The following ARAP3 variants were observed in gnomAD, a reference collection of about 807,000 sequenced individuals.
ARAP3 encodes the protein arf-GAP with Rho-GAP domain, ANK repeat and PH domain-containing protein 3.
ARAP3 carries 82 observed loss-of-function variants against 169.2 expected under a neutral mutation model. The observed-to-expected ratio is 0.48, with a 90% confidence interval of 0.41 to 0.58. The LOEUF (loss-of-function observed/expected upper bound fraction) is 0.58. ARAP3 is among the 20% of genes least tolerant of loss of function. The pLI, the probability that ARAP3 is intolerant of heterozygous loss-of-function variation, is 0.00. For synonymous variants in ARAP3, 791 were observed against 800.3 expected, an observed-to-expected ratio of 0.99 and a Z score of 0.20; for missense variants, 1,764 against 2,018.0, an observed-to-expected ratio of 0.87 and a Z score of 2.41.
chr5:141,678,808 C>G (rs935925080), intron 4 of ARAP3, among the ~76,000 whole-genome samples: 3 of 152,076 alleles, frequency 2.0e-5, no homozygotes, highest in Non-Finnish European at 4.4e-5. Context: ...CCCTCTTACT[C>G]TGCTCTATTT....
rs417503 is a variant in ARAP3 at position 141,680,082 on chromosome 5, A to T, written c.405T>A (p.Pro135=). Residue 135 remains proline (P), a synonymous_variant, in exon 2 of 33, where the codon CCT becomes CCA. Transcript: ENST00000239440. The part of the protein sequence containing the change: ...VSRSPEPSPR[P]PPLPTSSSEQ... Reference sequence around the variant, plus strand: ...CAGAGGAGGAAGTGGGGAGAGGAGGAGGCCTTGGGCTGGGCTCTGGGCTCC... The same window carrying T: ...CAGAGGAGGAAGTGGGGAGAGGAGGTGGCCTTGGGCTGGGCTCTGGGCTCC... 6.2e-7 allele frequency: 1 copy of T among 1,613,914 alleles called. No individual in the cohort carries two copies. The highest frequency in any genetic ancestry group is 8.5e-7 in the Non-Finnish European group (1 of 1,179,984).
chr5:141,676,610 T>G (rs1484522819), intron 4 of ARAP3, among the ~76,000 whole-genome samples: 1 of 152,174 alleles, frequency 6.6e-6, no homozygotes. Flanking sequence ...AGGACACAGC[T>G]GGCCTCTCCC....
chr5:141,668,731 G>A (rs2099911023), intron 16 of ARAP3, among the ~76,000 whole-genome samples: 1 of 152,308 alleles, frequency 6.6e-6, no homozygotes, highest in East Asian at 1.9e-4. Flanking sequence ...CCAGAGCAGT[G>A]GAGCATTTCC....
intron 32 of ARAP3, among the ~76,000 whole-genome samples, chr5:141,654,832 C>G (rs1474484039): frequency 2.6e-5 from 4 of 151,894 alleles, no homozygotes; most frequent in Non-Finnish European, 5.9e-5. Flanking sequence ...CTCCGCCTCC[C>G]AGGTTCAAGT....
rs372110909 is a variant in ARAP3 at position 141,671,981 on chromosome 5, CTGTGAGGG to C, written c.1586-9_1586-2del. 56 of 1,614,096 alleles carry C rather than the reference CTGTGAGGG, an allele frequency of 3.5e-5. No homozygotes were observed. The African/African-American group carries it at 4.7e-4, about 13-fold the overall frequency. Reference sequence around the variant, plus strand: ...CCAGAACCCAGGGCCCGGTGCTGACCTGTGAGGGTGTGAGGGTGTGTGAGGGTGTGTGA... The same window carrying C: ...CCAGAACCCAGGGCCCGGTGCTGACCTGTGAGGGTGTGTGAGGGTGTGTGA... On this transcript the variant is annotated splice_acceptor_variant and splice_polypyrimidine_tract_variant and intron_variant, in intron 10 of 32. Transcript: ENST00000239440. LOFTEE classifies it high-confidence loss of function. The surrounding 1 kb of genome is among the most constrained non-coding windows in gnomAD (Gnocchi z 4.9).
rs145726375 is a variant in ARAP3 at position 141,672,819 on chromosome 5, C to T, written c.1200G>A (p.Met400Ile). ...PQPPRPLRTG[M>I]LELRGHKAKV... ...TGGCCTTGTGTCCACGCAGCTCCAG[C>T]ATGCCCGTGCGGAGGGGTCGGGGTG... Residue 400 changes from methionine (M) to isoleucine (I), a missense_variant, in exon 8 of 33, where the codon ATG becomes ATA. Met to Ile is a conservative substitution (Grantham distance 10, BLOSUM62 1). This residue lies in a region of ARAP3 where 630 missense variants were observed against 678.7 expected (regional missense o/e 0.93). Transcript: ENST00000239440. The surrounding 1 kb of genome is among the most constrained non-coding windows in gnomAD (Gnocchi z 4.9). The T allele has an allele frequency of 4.8e-4, 762 of 1,603,228 alleles. 3 individuals carry two copies. The highest frequency in any genetic ancestry group is 2.0e-3 in the African/African-American group (147 of 74,600).
chr5:141,672,069 T>C lies in ARAP3; in HGVS notation c.1585+33A>G, dbSNP rs754151669. On this transcript the variant is annotated intron_variant, in intron 10 of 32. Transcript: ENST00000239440. The surrounding 1 kb of genome is among the most constrained non-coding windows in gnomAD (Gnocchi z 4.9). ...CTGAGCCCTCTAGTCCCAGCCCTCC[T>C]GTTCCCCACATGGGCTTGAGGCCAT... 1.1e-5 allele frequency: 18 copies of C among 1,614,072 alleles called. No homozygotes were observed. The African/African-American group carries it at 1.7e-4, about 16-fold the overall frequency.
chr5:141,654,412 A>G lies in ARAP3; in HGVS notation c.4173T>C (p.Ser1391=). 1.2e-6 allele frequency: 2 copies of G among 1,602,940 alleles called. No homozygotes were observed. Among genetic ancestry groups the G allele is most frequent in the Non-Finnish European group, 1.7e-6 (2 of 1,174,080 alleles). The part of the protein sequence containing the change: ...MFFPMKSSQG[S]VEEQEELEEP... ...CCTCCAGCTCCTCTTGCTCCTCCAC[A>G]GACCCCTGGGATGACTTCATTGGCT... The change falls in exon 33 of 33, where the codon TCT becomes TCC. Residue 1391 remains serine (S), a synonymous_variant. Transcript: ENST00000239440.
chr5:141,656,971 A>G lies in ARAP3; in HGVS notation c.3527-125T>C. 3 of 1,342,654 alleles carry G rather than the reference A, an allele frequency of 2.2e-6. No homozygotes were observed. In the South Asian group the frequency reaches 4.5e-5, roughly 20 times the overall value. 83.2% of individuals were successfully genotyped at this position (1,342,654 alleles called of 1,614,324 possible). On this transcript the variant is annotated intron_variant, in intron 25 of 32. Transcript: ENST00000239440. Reference sequence around the variant, plus strand: ...CAGACATTTATTTTTCACTGTCTCTATGCCAGGAACTGTGCTGGCCCTGGG... The same window carrying G: ...CAGACATTTATTTTTCACTGTCTCTGTGCCAGGAACTGTGCTGGCCCTGGG...
intron 25 of ARAP3, among the ~76,000 whole-genome samples, 170 bp from the exon 26 acceptor site, chr5:141,657,016 A>T (rs1241164472): frequency 2.6e-5 from 4 of 152,250 alleles, no homozygotes; most frequent in Admixed American, 6.5e-5. Flanking sequence ...TGAGCATGAT[A>T]CACATGGCCT....
chr5:141,657,116 A>G (rs2099909362), intron 25 of ARAP3, among the ~76,000 whole-genome samples: 1 of 152,226 alleles, frequency 6.6e-6, no homozygotes, highest in African/African-American at 2.4e-5. Context: ...TAAACTGAGC[A>G]AGCAACAGGA....
At chr5:141,655,828 G>T in intron 30 of ARAP3, 41 bp downstream of exon 30, 3 of 1,614,112 alleles carry the variant, frequency 1.9e-6, no homozygotes, top group Non-Finnish European at 2.5e-6. Flanking sequence ...GGGCCCCAGG[G>T]GGACCACAGA....
rs769001218 is a variant in ARAP3 at position 141,665,328 on chromosome 5, G to T, written c.2619C>A (p.Val873=). Residue 873 remains valine, a synonymous_variant, in exon 18 of 33, where the codon GTC becomes GTA. Coordinates refer to ENST00000239440, the MANE Select transcript of ARAP3 (RefSeq NM_022481.6). The part of the protein sequence containing the change: ...ADTPDKKEHL[V]LVETGRTLYL... ...CAATTTACCTTCCTGTCTCCACCAGGACCAAATGCTCTTTCTTATCTGGGG... is the reference window on the plus strand; with the variant it reads ...CAATTTACCTTCCTGTCTCCACCAGTACCAAATGCTCTTTCTTATCTGGGG... 1 of 1,614,210 alleles carries T rather than the reference G, an allele frequency of 6.2e-7. No individual in the cohort carries two copies. The highest frequency in any genetic ancestry group is 1.1e-5 in the South Asian group (1 of 91,080).
chr5:141,658,573 A>G lies in ARAP3; in HGVS notation c.3411+6T>C, dbSNP rs756250920. On this transcript the variant is annotated splice_donor_region_variant and intron_variant, in intron 24 of 32. Coordinates refer to ENST00000239440, the MANE Select transcript of ARAP3 (RefSeq NM_022481.6). The stretch of plus-strand genomic sequence containing the variant: ...TTATTTCCCCTCCAGTCCCCTCAGG[A>G]CCAACCTTCAGGGTGACACAGTTGT... 1.9e-6 allele frequency: 3 copies of G among 1,614,034 alleles called. No individual in the cohort carries two copies. Among genetic ancestry groups the G allele is most frequent in the Non-Finnish European group, 8.5e-7 (1 of 1,179,994 alleles).
At position 141,666,505 on chromosome 5, in the gene ARAP3, G is replaced by A; in HGVS notation, c.2491C>T (p.His831Tyr). The change falls in exon 17 of 33, where the codon CAC (histidine) becomes TAC (tyrosine). Residue 831 changes from histidine (H) to tyrosine (Y), a missense_variant. This residue lies in a region of ARAP3 where 1,112 missense variants were observed against 1,285.7 expected (regional missense o/e 0.86). Transcript: ENST00000239440. ...LSGFGLLRGDHLFLCSAPGPG... is the reference protein window; with the variant it reads ...LSGFGLLRGDYLFLCSAPGPG... Reference sequence around the variant, plus strand: ...CCCGGCGCTGAGCACAGGAAGAGGTGGTCACCACGAAGGAGGCCAAACCCT... The same window carrying A: ...CCCGGCGCTGAGCACAGGAAGAGGTAGTCACCACGAAGGAGGCCAAACCCT... The A allele has an allele frequency of 6.2e-7, 1 of 1,604,370 alleles. No individual in the cohort carries two copies. Among genetic ancestry groups the A allele is most frequent in the Non-Finnish European group, 8.5e-7 (1 of 1,175,484 alleles).
At chr5:141,655,225 T>TACACACACACACACACAC (rs148481472) in intron 32 of ARAP3, 137 bp downstream of exon 32, 114 of 491,130 alleles carry the variant, frequency 2.3e-4, no homozygotes, top group African/African-American at 1.5e-3. Context: ...CCTGATGGCC[T>TACACACACACACACACAC]ACACACACAC....
Position 141,658,467 on chromosome 5 carries a change from G to C in ARAP3, c.3424C>G (p.Leu1142Val). The change falls in exon 25 of 33, where the codon CTG (leucine) becomes GTG (valine). Residue 1142 changes from leucine (L) to valine (V), a missense_variant. Transcript: ENST00000239440. ...TGGTTAGTCAGCTCCTCAGCAGTCA[G>C]GGTTGGGGACACCTGGGGTCAGGGC... is the stretch of plus-strand genomic sequence containing the variant. ...NCVTLKVSPT[L>V]TAEELTNQVL... 1 of 1,614,162 alleles carries C rather than the reference G, an allele frequency of 6.2e-7. No homozygotes were observed. Among genetic ancestry groups the C allele is most frequent in the Non-Finnish European group, 8.5e-7 (1 of 1,180,024 alleles).
At chr5:141,659,290 C>G (rs2099909636) in intron 23 of ARAP3, 118 bp downstream of exon 23, 1 of 925,510 alleles carries the variant, frequency 1.1e-6, no homozygotes, top group Admixed American at 1.9e-5. Flanking sequence ...TCCCAAAGAG[C>G]TGAGTGCTAG....
Position 141,659,299 on chromosome 5 carries a change from A to C in ARAP3, c.3336+109T>G. On this transcript the variant is annotated intron_variant, in intron 23 of 32. Coordinates refer to ENST00000239440, the MANE Select transcript of ARAP3 (RefSeq NM_022481.6). ...CCTGTCTCCCAAAGAGCTGAGTGCT[A>C]GTGTCCAGAAGGACAGGCTGGAAAC... The C allele has an allele frequency of 4.0e-6, 4 of 993,542 alleles. No homozygotes were observed. The Admixed American group carries it at 5.3e-5, about 13-fold the overall frequency. 61.5% of individuals were successfully genotyped at this position (993,542 alleles called of 1,614,324 possible).
Sources: allele counts gnomAD v4.1 joint callset (sites outside exome capture counted in the v4.1 genomes callset), GRCh38; gene constraint gnomAD v4.1.1; regional missense constraint gnomAD v4.1.1; non-coding constraint Gnocchi (gnomAD v3.1); transcripts MANE v1.5; gene names NCBI Gene and HGNC (gene_info 2026-07-23, HGNC 2026-07-21).